The following XG variants were observed in gnomAD, a reference collection of about 807,000 sequenced individuals.
XG encodes Xg glycoprotein (Xg blood group), also known as glycoprotein Xg.
XG carries 24 observed loss-of-function variants against 25.7 expected under a neutral mutation model. The observed-to-expected ratio is 0.93, with a 90% confidence interval of 0.68 to 1.31. XG has a LOEUF of 1.31. Among genes scored for constraint, XG ranks in the 40% most tolerant of loss-of-function variants. The probability of loss-of-function intolerance (pLI) is 0.00; values close to 1 mark genes in which losing one functional copy is unlikely to be tolerated. For synonymous variants in XG, 77 were observed against 69.2 expected (o/e 1.11, Z -0.56); for missense variants, 181 against 187.6 (o/e 0.96, Z 0.21).
At chrX:2,755,514 C>A (rs1179758033) in intron 1 of XG, among the ~76,000 whole-genome samples, 3 of 152,096 alleles carry the variant, frequency 2.0e-5, no homozygotes, top group African/African-American at 7.2e-5. Flanking sequence ...TGACCTGTAT[C>A]TTGTGCAGAC....
In XG at chrX:2,794,596, G is replaced by A. The variant is rs760979918; in HGVS notation, c.315G>A (p.Pro105=). 9.1e-6 allele frequency: 11 copies of A among 1,209,722 alleles called. No individual in the cohort carries two copies. The Admixed American group carries it at 1.1e-4, about 12-fold the overall frequency. ...ACCCGCCCAGGCCCAGGCCACGGCC[G>A]CCTGCAGGTAGGTGCCGAGCCTCCC... ...GRYPPRPRPR[P]PAGGGGGGYS... is the part of the protein sequence containing the mutation. Residue 105 remains proline, a synonymous_variant, in exon 6 of 11, where the codon CCG becomes CCA. Coordinates refer to ENST00000644266, the MANE Select transcript of XG (RefSeq NM_001141919.2).
chrX:2,790,120 A>G (rs747079037), intron 5 of XG, among the ~76,000 whole-genome samples: 7 of 111,518 alleles, frequency 6.3e-5, no homozygotes, highest in Non-Finnish European at 1.1e-4. Flanking sequence ...GCCTCAAGCA[A>G]TCCTCTGCCT....
At chrX:2,778,734 C>T (rs1178380784) in intron 3 of XG, among the ~76,000 whole-genome samples, 6 of 151,090 alleles carry the variant, frequency 4.0e-5, no homozygotes, top group South Asian at 2.1e-4. Flanking sequence ...ATTGGCTGTT[C>T]TTGTGGATGA....
In XG at chrX:2,797,317, C is replaced by T. The variant is rs780420114; in HGVS notation, c.330C>T (p.Gly110=). The T allele has an allele frequency of 1.4e-5, 17 of 1,202,285 alleles. No individual in the cohort carries two copies. Among genetic ancestry groups the T allele is most frequent in the South Asian group, 8.8e-5 (5 of 56,552 alleles). The change falls in exon 7 of 11, where the codon GGC becomes GGT. Residue 110 remains glycine (G), a synonymous_variant. Transcript: ENST00000644266. ...ACCTTCTCTGTCTAACAGGAGGTGGCGGCGGTGGCTACTCCAGTTATGGCA... is the reference window on the plus strand; with the variant it reads ...ACCTTCTCTGTCTAACAGGAGGTGGTGGCGGTGGCTACTCCAGTTATGGCA... ...RPRPRPPAGG[G]GGGYSSYGNS... is the part of the protein sequence containing the mutation.
At chrX:2,809,474 A>G (rs111305752) in intron 9 of XG, among the ~76,000 whole-genome samples, 17 of 112,309 alleles carry the variant, frequency 1.5e-4, no homozygotes, top group African/African-American at 5.2e-4. Context: ...GGCAAAGAGA[A>G]GCAGTCAGCT....
At chrX:2,774,768 G>C (rs750413849) in intron 3 of XG, 29 bp downstream of exon 3, 12 of 1,613,666 alleles carry the variant, frequency 7.4e-6, no homozygotes, top group Non-Finnish European at 1.0e-5. Flanking sequence ...GGGAAAAACT[G>C]AGGCAACGTC....
At chrX:2,810,997 C>G (rs1253932087) in intron 9 of XG, among the ~76,000 whole-genome samples, 12 of 111,392 alleles carry the variant, frequency 1.1e-4, no homozygotes, top group Non-Finnish European at 1.9e-4. Flanking sequence ...AACAAACAAA[C>G]AAAAATGCCA....
intron 1 of XG, among the ~76,000 whole-genome samples, chrX:2,760,900 C>A (rs1261121714): frequency 6.6e-6 from 1 of 151,948 alleles, no homozygotes; most frequent in Non-Finnish European, 1.5e-5. Flanking sequence ...CATCCACAAG[C>A]CAAGGAGAGA....
chrX:2,752,392 G>C (rs780710864), intron 1 of XG, 57 bp downstream of exon 1: 6 of 1,611,014 alleles, frequency 3.7e-6, no homozygotes, highest in African/African-American at 1.3e-5. Context: ...TTCTATTCTT[G>C]CTTTAAGAAA....
intron 1 of XG, among the ~76,000 whole-genome samples, chrX:2,754,403 C>T (rs191995474): frequency 2.0e-5 from 3 of 152,152 alleles, no homozygotes; most frequent in Non-Finnish European, 4.4e-5. Flanking sequence ...CCCTGTCCTG[C>T]GCTAAATTCT....
intron 7 of XG, among the ~76,000 whole-genome samples, chrX:2,804,853 G>T (rs1430613681): frequency 3.6e-4 from 40 of 112,152 alleles, no homozygotes; most frequent in African/African-American, 1.3e-3. Flanking sequence ...GAAAATAGCA[G>T]GTAGCCCTGT....
In XG at chrX:2,774,717, A is replaced by G; in HGVS notation, c.105A>G (p.Glu35=). Residue 35 remains glutamate, a splice_region_variant and synonymous_variant, in exon 3 of 11, where the codon GAA becomes GAG. Coordinates refer to ENST00000644266, the MANE Select transcript of XG (RefSeq NM_001141919.2). The part of the protein sequence containing the change: ...FDLADALDDP[E]PTKKPNSDIY... Reference sequence around the variant, plus strand: ...TTTATTTTCTCTCTTTGTTCACAGAACCCACCAAGAAGCCAAACTCAGGTG... The same window carrying G: ...TTTATTTTCTCTCTTTGTTCACAGAGCCCACCAAGAAGCCAAACTCAGGTG... 1 of 1,613,824 alleles carries G rather than the reference A, an allele frequency of 6.2e-7. No individual in the cohort carries two copies. The highest frequency in any genetic ancestry group is 1.1e-5 in the South Asian group (1 of 91,058).
intron 10 of XG, among the ~76,000 whole-genome samples, chrX:2,813,045 C>T (rs893261724): frequency 8.9e-6 from 1 of 112,184 alleles, no homozygotes; most frequent in African/African-American, 3.2e-5. Flanking sequence ...GTTTTAAAAA[C>T]GTGGATGATG....
At chrX:2,775,075 C>A (rs182578669) in intron 3 of XG, 9,905 of 337,650 alleles carry the variant, frequency 0.029, 557 homozygotes, top group African/African-American at 0.19. Context: ...GTGGATCCTC[C>A]AAAAGTTAAA....
intron 7 of XG, among the ~76,000 whole-genome samples, chrX:2,803,797 C>T (rs1419853524): frequency 9.0e-6 from 1 of 111,622 alleles, no homozygotes; most frequent in Non-Finnish European, 1.9e-5. Context: ...GACTCTTGAG[C>T]CAGAGGCTGC....
chrX:2,771,752 A>T (rs1286857731), intron 2 of XG, among the ~76,000 whole-genome samples: 1 of 152,206 alleles, frequency 6.6e-6, no homozygotes, highest in Admixed American at 6.5e-5. Flanking sequence ...TGATAACCAG[A>T]TCTGATCCTA....
At chrX:2,808,627 G>A (rs1328448034) in intron 9 of XG, 18 of 689,414 alleles carry the variant, frequency 2.6e-5, no homozygotes, top group South Asian at 1.5e-4. Context: ...TGTCAATCCC[G>A]TCTCAGGTCA....
intron 7 of XG, among the ~76,000 whole-genome samples, chrX:2,800,975 CAAAAA>C (rs55635919): frequency 1.1e-4 from 4 of 36,430 alleles, no homozygotes; most frequent in Non-Finnish European, 1.0e-4. Flanking sequence ...GACCCTGTCT[CAAAAA>C]AAAAAAAAAA....
intron 3 of XG, among the ~76,000 whole-genome samples, chrX:2,775,433 C>T (rs1447628156): frequency 6.6e-6 from 1 of 151,920 alleles, no homozygotes; most frequent in Non-Finnish European, 1.5e-5. Context: ...TAGGTGAATC[C>T]CTAGAACCAG....
Sources: gnomAD v4.1 joint callset for allele counts (sites outside exome capture counted in the v4.1 genomes callset) on GRCh38, gnomAD v4.1.1 for gene constraint, MANE v1.5 for transcripts, NCBI Gene and HGNC (gene_info 2026-07-23, HGNC 2026-07-21) for gene names.